Variants in RBFOX3 observed in about 807,000 individuals in gnomAD.
RBFOX3 encodes the protein RNA binding protein fox-1 homolog 3.
Under a neutral mutation model 48.7 loss-of-function variants are expected in RBFOX3, and 17 were observed. The observed-to-expected ratio is 0.35, with a 90% confidence interval of 0.24 to 0.52. The LOEUF (loss-of-function observed/expected upper bound fraction) is 0.52, where lower values mean the gene tolerates loss of function less well. Among genes scored for constraint, RBFOX3 ranks in the 20% least tolerant of loss-of-function variants. The pLI is 0.94. For missense variants in RBFOX3, 382 were observed against 497.5 expected, an observed-to-expected ratio of 0.77 and a Z score of 2.21; for synonymous variants, 212 against 209.5, an observed-to-expected ratio of 1.01 and a Z score of -0.10.
intron 1 of RBFOX3, among the ~76,000 whole-genome samples, chr17:79,553,550 T>C (rs2091345884): frequency 6.6e-6 from 1 of 152,242 alleles, no homozygotes; most frequent in Non-Finnish European, 1.5e-5. Context: ...AAGCACCTGC[T>C]CTTTAAAGGT....
intron 1 of RBFOX3, among the ~76,000 whole-genome samples, chr17:79,603,580 G>A (rs2093759379): frequency 6.6e-6 from 1 of 152,204 alleles, no homozygotes; most frequent in African/African-American, 2.4e-5. Flanking sequence ...ACATGCTAAG[G>A]GTTGTTTCCA....
At chr17:79,621,582 T>C in the RBFOX3 span, among the ~76,000 whole-genome samples, 1 of 152,226 alleles carries the variant, frequency 6.6e-6, no homozygotes, top group Non-Finnish European at 1.5e-5. Flanking sequence ...TTCTGACCTG[T>C]ACAAGTGTCC....
chr17:79,565,532 G>C (rs1436518039), intron 1 of RBFOX3, among the ~76,000 whole-genome samples: 3 of 151,874 alleles, frequency 2.0e-5, no homozygotes, highest in Non-Finnish European at 4.4e-5. Flanking sequence ...GTAAAGATGG[G>C]GTTTCACCAT....
intron 3 of RBFOX3, among the ~76,000 whole-genome samples, chr17:79,290,281 G>A (rs1026571810): frequency 2.0e-5 from 3 of 152,088 alleles, no homozygotes; most frequent in African/African-American, 4.8e-5. Flanking sequence ...GGAATGAGAG[G>A]CAGGATGGCT....
At chr17:79,533,733 G>T (rs1407054558) in intron 1 of RBFOX3, among the ~76,000 whole-genome samples, 1 of 152,240 alleles carries the variant, frequency 6.6e-6, no homozygotes, top group Admixed American at 6.5e-5. Context: ...CAGAGAGTCT[G>T]AGCAGCCTCT....
chr17:79,125,544 G>A (rs77784746), intron 4 of RBFOX3, among the ~76,000 whole-genome samples: 4,319 of 152,314 alleles, frequency 0.028, 202 homozygotes, highest in African/African-American at 0.096. Context: ...ACAACGGGCC[G>A]GCAGGGAGCT....
At chr17:79,310,469 T>A (rs1027814248) in intron 2 of RBFOX3, among the ~76,000 whole-genome samples, 4 of 152,124 alleles carry the variant, frequency 2.6e-5, no homozygotes, top group African/African-American at 9.7e-5. Context: ...TCTGCACTCC[T>A]CCCAGTAGAG....
chr17:79,531,142 AG>A (rs1368819642), intron 1 of RBFOX3, among the ~76,000 whole-genome samples: 1 of 152,200 alleles, frequency 6.6e-6, no homozygotes, highest in Non-Finnish European at 1.5e-5. Flanking sequence ...ATTCCTTCCC[AG>A]AAGGTGCTAC....
At chr17:79,221,938 C>G (rs2059781969) in intron 4 of RBFOX3, among the ~76,000 whole-genome samples, 1 of 152,050 alleles carries the variant, frequency 6.6e-6, no homozygotes, top group Non-Finnish European at 1.5e-5. Context: ...GTGCAGAGGG[C>G]AGAAATATGA....
At position 79,518,247 on chromosome 17, in the gene RBFOX3, G is replaced by A. The variant is rs1027874332; in HGVS notation, c.-319-35649C>T. ...CTCTTTTCGCCTTGGTGTTAGAGAG[G>A]ACTATTATGGGAAATTAATCACGAG... is the stretch of plus-strand genomic sequence containing the variant. On this transcript the variant is annotated intron_variant, in intron 1 of 14. Coordinates refer to ENST00000693108, the MANE Select transcript of RBFOX3 (RefSeq NM_001350451.2). Among the ~76,000 whole-genome samples the A allele has an allele frequency of 2.5e-4, 38 of 152,326 alleles. No homozygotes were observed. The East Asian group carries it at 6.4e-3, about 25-fold the overall frequency.
intron 2 of RBFOX3, among the ~76,000 whole-genome samples, chr17:79,420,349 G>C (rs1232628646): frequency 6.6e-6 from 1 of 152,158 alleles, no homozygotes; most frequent in African/African-American, 2.4e-5. Context: ...AAGTTTCTCA[G>C]AACATATGTG....
At chr17:79,293,947 C>T (rs541366752) in intron 3 of RBFOX3, among the ~76,000 whole-genome samples, 10 of 152,048 alleles carry the variant, frequency 6.6e-5, no homozygotes, top group Non-Finnish European at 1.2e-4. Context: ...GAAACAGGGC[C>T]GAGAAAGAGC....
chr17:79,173,235 C>A (rs925651245), intron 4 of RBFOX3, among the ~76,000 whole-genome samples: 1 of 152,158 alleles, frequency 6.6e-6, no homozygotes, highest in Non-Finnish European at 1.5e-5. Flanking sequence ...TACATACATA[C>A]ATACGTACAT....
chr17:79,646,886 A>G, the RBFOX3 span, among the ~76,000 whole-genome samples: 3 of 152,018 alleles, frequency 2.0e-5, no homozygotes, highest in Non-Finnish European at 4.4e-5. Flanking sequence ...CCAGATACCC[A>G]CACAGTTCAC....
intron 2 of RBFOX3, among the ~76,000 whole-genome samples, chr17:79,434,147 G>A (rs1486707579): frequency 4.6e-5 from 7 of 152,166 alleles, no homozygotes; most frequent in Admixed American, 1.3e-4. Context: ...CAGAAAGGAC[G>A]CTTTGTAGTG....
At chr17:79,544,650 G>A (rs2090151503) in intron 1 of RBFOX3, among the ~76,000 whole-genome samples, 1 of 151,814 alleles carries the variant, frequency 6.6e-6, no homozygotes, top group Admixed American at 6.6e-5. Flanking sequence ...CAACCACCAG[G>A]CTCCCTGCAG....
chr17:79,235,490 C>T (rs1292052357), intron 4 of RBFOX3: 1 of 152,574 alleles, frequency 6.6e-6, no homozygotes, highest in African/African-American at 2.4e-5. Context: ...GTCCTCCATC[C>T]TTACCCCATT....
At chr17:79,639,914 C>T in the RBFOX3 span, among the ~76,000 whole-genome samples, 10 of 152,074 alleles carry the variant, frequency 6.6e-5, no homozygotes, top group African/African-American at 1.9e-4. Context: ...AGATCTGGTG[C>T]GAGTAAAGGA....
intron 2 of RBFOX3, among the ~76,000 whole-genome samples, chr17:79,451,818 A>T (rs2149145485): frequency 1.3e-5 from 2 of 152,388 alleles, no homozygotes; most frequent in East Asian, 3.9e-4. Flanking sequence ...GAATGACAGC[A>T]TCGCAGTGTT....
Sources: allele counts gnomAD v4.1 joint callset (sites outside exome capture counted in the v4.1 genomes callset), GRCh38; gene constraint gnomAD v4.1.1; transcripts MANE v1.5; gene names NCBI Gene and HGNC (gene_info 2026-07-23, HGNC 2026-07-21).